Variants in MBOAT2 observed in about 807,000 individuals in gnomAD.
The protein encoded by MBOAT2 is membrane-bound glycerophospholipid O-acyltransferase 2.
In MBOAT2, 28 loss-of-function variants were observed where a neutral mutation model predicts 63.4. The ratio of observed to expected loss-of-function variants is 0.44; its 90% CI spans 0.33 to 0.61. MBOAT2 has a LOEUF of 0.61. MBOAT2 is among the 20% of genes least tolerant of loss of function. MBOAT2 has a pLI of 0.03. For missense variants in MBOAT2, 470 were observed against 605.8 expected (o/e 0.78, Z 2.35); for synonymous variants, 211 against 215.6 (o/e 0.98, Z 0.19).
chr2:8,895,839 G>A (rs1373070385), intron 4 of MBOAT2, among the ~76,000 whole-genome samples: 1 of 152,166 alleles, frequency 6.6e-6, no homozygotes, highest in Non-Finnish European at 1.5e-5. Context: ...ATTTGACAAA[G>A]AGGTTAAAAA....
chr2:8,871,644 A>T (rs1662333543), intron 8 of MBOAT2, among the ~76,000 whole-genome samples: 3 of 152,224 alleles, frequency 2.0e-5, no homozygotes, highest in African/African-American at 7.2e-5. Context: ...ATTAAAATCC[A>T]TAAGGTAACA....
chr2:8,861,754 G>A (rs1325819788), intron 11 of MBOAT2, among the ~76,000 whole-genome samples: 1 of 152,052 alleles, frequency 6.6e-6, no homozygotes, highest in Non-Finnish European at 1.5e-5. Flanking sequence ...AAACACCTAT[G>A]CTACTTAGTA....
rs1439483771 is a variant in MBOAT2 at position 8,871,817 on chromosome 2, A to AT, written c.883+1290dup. Among the ~76,000 whole-genome samples, 4 of 152,350 alleles carry AT rather than the reference A, an allele frequency of 2.6e-5. No individual in the cohort carries two copies. In the East Asian group the frequency reaches 7.7e-4, roughly 29 times the overall value. On this transcript the variant is annotated intron_variant, in intron 8 of 12. Transcript: ENST00000305997. ...TAAAATGCTAATCCTTAGAGGCCTA[A>AT]TTATTGGCTGATGTGTTTCTTTGTG...
intron 1 of MBOAT2, among the ~76,000 whole-genome samples, chr2:8,959,985 C>T (rs1365115469): frequency 2.0e-5 from 3 of 152,194 alleles, no homozygotes; most frequent in Non-Finnish European, 4.4e-5. Context: ...CCTAAAGACA[C>T]AGACAAGTAT....
At chr2:8,889,386 C>A (rs1399340785) in intron 4 of MBOAT2, among the ~76,000 whole-genome samples, 3 of 152,226 alleles carry the variant, frequency 2.0e-5, no homozygotes, top group Non-Finnish European at 4.4e-5. Flanking sequence ...ACGGGAAGGT[C>A]TCATCAATGA....
chr2:8,965,960 A>C (rs566871107), intron 1 of MBOAT2, among the ~76,000 whole-genome samples: 1 of 152,224 alleles, frequency 6.6e-6, no homozygotes, highest in Non-Finnish European at 1.5e-5. Context: ...AAACAGCCCC[A>C]AAAAATCAAT....
At chr2:8,991,748 A>G (rs559616623) in intron 1 of MBOAT2, among the ~76,000 whole-genome samples, 92 of 152,354 alleles carry the variant, frequency 6.0e-4, no homozygotes, top group African/African-American at 2.2e-3. Context: ...CAAAAAGAGA[A>G]AACTTAAAAT....
At chr2:8,957,130 A>C (rs1400671821) in intron 2 of MBOAT2, among the ~76,000 whole-genome samples, 1 of 152,222 alleles carries the variant, frequency 6.6e-6, no homozygotes, top group Non-Finnish European at 1.5e-5. Flanking sequence ...AAAGGATAAA[A>C]CAAGAATGGT....
chr2:8,941,119 T>C lies in MBOAT2; in HGVS notation c.299+2068A>G, dbSNP rs533449754. ...GAAAAAAAGTGAAAAAGTAAAGTCA[T>C]AGAAAAATATATATGGGTATAAGCT... On this transcript the variant is annotated intron_variant, in intron 3 of 12. Coordinates refer to ENST00000305997, the MANE Select transcript of MBOAT2 (RefSeq NM_138799.4). 2.2e-4 allele frequency among the ~76,000 whole-genome samples: 33 copies of C among 152,218 alleles called. No homozygotes were observed. The South Asian group carries it at 6.6e-3, about 31-fold the overall frequency.
In MBOAT2 at chr2:8,888,033, A is replaced by G; in HGVS notation, c.436T>C (p.Cys146Arg). The G allele has an allele frequency of 6.2e-7, 1 of 1,613,522 alleles. No homozygotes were observed. ...IITQKITSLA[C>R]EIHDGMFRKD... ...GAATTCTTACCATCATGAATTTCGC[A>G]AGCCAAACTAGTGATCTTCTGAGTA... The change falls in exon 5 of 13, where the codon TGC (cysteine) becomes CGC (arginine). Residue 146 changes from cysteine (C) to arginine (R), a missense_variant. Cys to Arg is a radical substitution (Grantham distance 180). Around this residue, in one of 3 missense-constraint regions of MBOAT2, gnomAD observed 376 missense variants for 503.8 expected, o/e 0.75. Transcript: ENST00000305997.
At chr2:8,928,673 A>T (rs1318071224) in intron 3 of MBOAT2, among the ~76,000 whole-genome samples, 1 of 152,124 alleles carries the variant, frequency 6.6e-6, no homozygotes, top group African/African-American at 2.4e-5. Context: ...TCCAAAACAA[A>T]AAAAAAATTA....
At chr2:8,874,482 G>C (rs538097741) in intron 7 of MBOAT2, among the ~76,000 whole-genome samples, 54 of 152,280 alleles carry the variant, frequency 3.5e-4, no homozygotes, top group Admixed American at 7.2e-4. Flanking sequence ...TTAAAATGAG[G>C]CTTATCATTT....
At chr2:8,944,648 G>GACACACACACACACACACAC (rs61107364) in intron 2 of MBOAT2, among the ~76,000 whole-genome samples, 1 of 140,144 alleles carries the variant, frequency 7.1e-6, no homozygotes, top group Non-Finnish European at 1.6e-5. Context: ...CTGTTTGACT[G>GACACACACACACACACACAC]ACACACACAC....
intron 1 of MBOAT2, among the ~76,000 whole-genome samples, chr2:8,969,013 C>A (rs1008331312): frequency 3.9e-5 from 6 of 152,088 alleles, no homozygotes; most frequent in African/African-American, 1.4e-4. Flanking sequence ...CATTCAAATT[C>A]AGGAAATACT....
chr2:8,946,589 A>G lies in MBOAT2; in HGVS notation c.222-3325T>C, dbSNP rs146389249. ...AGCCTCTTGGCACCATTTTTCCAAT[A>G]GCACGTGCTGAGACTTCATGTCTCT... On this transcript the variant is annotated intron_variant, in intron 2 of 12. Coordinates refer to ENST00000305997, the MANE Select transcript of MBOAT2 (RefSeq NM_138799.4). Among the ~76,000 whole-genome samples, 15 of 152,280 alleles carry G rather than the reference A, an allele frequency of 9.9e-5. No homozygotes were observed. In the East Asian group the frequency reaches 1.9e-3, roughly 20 times the overall value.
chr2:8,906,491 G>A (rs1665344849), intron 4 of MBOAT2, among the ~76,000 whole-genome samples: 1 of 152,240 alleles, frequency 6.6e-6, no homozygotes, highest in Non-Finnish European at 1.5e-5. Flanking sequence ...AAGAAGGAAG[G>A]AGTCTGGTTC....
chr2:8,985,388 G>T (rs1027673134), intron 1 of MBOAT2, among the ~76,000 whole-genome samples: 1 of 152,032 alleles, frequency 6.6e-6, no homozygotes, highest in African/African-American at 2.4e-5. Context: ...GATAAAATGT[G>T]TGACCCCCAA....
chr2:8,973,009 C>T (rs554249682), intron 1 of MBOAT2, among the ~76,000 whole-genome samples: 1 of 152,214 alleles, frequency 6.6e-6, no homozygotes, highest in Non-Finnish European at 1.5e-5. Context: ...CCCAGCCATC[C>T]CATTACTGGG....
At chr2:8,969,521 A>G (rs1188066921) in intron 1 of MBOAT2, among the ~76,000 whole-genome samples, 1 of 152,188 alleles carries the variant, frequency 6.6e-6, no homozygotes, top group Non-Finnish European at 1.5e-5. Flanking sequence ...ACACATAACA[A>G]TATTAACTTT....
Sources: gnomAD v4.1 joint callset for allele counts (sites outside exome capture counted in the v4.1 genomes callset) on GRCh38, gnomAD v4.1.1 for gene constraint, gnomAD v4.1.1 regional missense constraint, MANE v1.5 for transcripts, NCBI Gene and HGNC (gene_info 2026-07-23, HGNC 2026-07-21) for gene names.